The following HAUS4 variants were observed in gnomAD, a reference collection of about 807,000 sequenced individuals.
HAUS4 encodes HAUS augmin like complex subunit 4, also known as HAUS augmin-like complex subunit 4.
Under a neutral mutation model 50.6 loss-of-function variants are expected in HAUS4, and 34 were observed. The observed-to-expected ratio is 0.67, with a 90% CI of 0.51 to 0.90. The LOEUF is 0.90. Among genes scored for constraint, HAUS4 ranks in the 40% least tolerant of loss-of-function variants. The pLI is 0.00. For synonymous variants in HAUS4, 149 were observed against 161.4 expected, an observed-to-expected ratio of 0.92 and a Z score of 0.58; for missense variants, 370 against 428.7, an observed-to-expected ratio of 0.86 and a Z score of 1.21.
chr14:22,950,184 A>G (rs1425180426), intron 6 of HAUS4, 130 bp downstream of exon 6: 1 of 464,508 alleles, frequency 2.2e-6, no homozygotes, highest in African/African-American at 2.0e-5. Flanking sequence ...TACCAGCAAC[A>G]AAACAAATAA....
intron 6 of HAUS4, among the ~76,000 whole-genome samples, chr14:22,948,557 A>G (rs1010667422): frequency 6.6e-6 from 1 of 150,898 alleles, no homozygotes; most frequent in East Asian, 2.0e-4. Flanking sequence ...TTTTTTTGAG[A>G]CGGAGTCTCT....
intron 8 of HAUS4, 54 bp downstream of exon 8, chr14:22,947,547 A>C: frequency 6.3e-7 from 1 of 1,594,764 alleles, no homozygotes; most frequent in East Asian, 2.2e-5. Context: ...TAAGGGATAG[A>C]GGGCTGATAA....
At chr14:22,947,479 G>T in intron 8 of HAUS4, 122 bp downstream of exon 8, 1 of 1,073,808 alleles carries the variant, frequency 9.3e-7, no homozygotes, top group Non-Finnish European at 1.4e-6. Context: ...ATACTGCTAT[G>T]TGACATTTAC....
chr14:22,949,548 AAAG>A (rs1464687761), intron 6 of HAUS4, among the ~76,000 whole-genome samples: 2 of 150,876 alleles, frequency 1.3e-5, no homozygotes, highest in African/African-American at 2.4e-5. Flanking sequence ...AAAAAAAAAA[AAAG>A]AGATACACAT....
Position 22,955,132 on chromosome 14 carries a change from G to A in HAUS4, c.23C>T (p.Ser8Leu), listed in dbSNP as rs749425907. 20 of 1,612,050 alleles carry A rather than the reference G, an allele frequency of 1.2e-5. No individual in the cohort carries two copies. In the African/African-American group the frequency reaches 1.6e-4, roughly 13 times the overall value. ...AAGTATTTCCATCCCTTCTCCAGGT[G>A]AGCAGAAATCCCCGGATGCCATTTG... MASGDFC[S>L]PGEGMEILQQ... is the part of the protein sequence containing the mutation. Residue 8 changes from serine to leucine, a missense_variant, in exon 2 of 10, where the codon TCA becomes TTA. Physicochemically the swap from Ser to Leu is moderately radical, Grantham distance 145 (BLOSUM62 -2). Transcript: ENST00000541587.
chr14:22,947,850 TCCCA>T lies in HAUS4; in HGVS notation c.708+14_708+17del. 6.2e-7 allele frequency: 1 copy of T among 1,611,610 alleles called. No individual in the cohort carries two copies. Among genetic ancestry groups the T allele is most frequent in the Non-Finnish European group, 8.5e-7 (1 of 1,178,748 alleles). On this transcript the variant is annotated intron_variant, in intron 7 of 9. Transcript: ENST00000541587. The stretch of plus-strand genomic sequence containing the variant: ...GGGTCAGGATAAAGGAAAGGGGCTG[TCCCA>T]TGCCCTGATAAACCTGGGAGTAAGC...
chr14:22,952,655 G>A lies in HAUS4; in HGVS notation c.84C>T (p.Asn28=). 3 of 1,605,264 alleles carry A rather than the reference G, an allele frequency of 1.9e-6. No homozygotes were observed. The highest frequency in any genetic ancestry group is 2.5e-6 in the Non-Finnish European group (3 of 1,177,590). ...QVCSKQLPPC[N]LSKEDLLQNP... is the part of the protein sequence containing the mutation. Reference sequence around the variant, plus strand: ...TCTGTAACAGGTCCTCTTTACTCAGGTTACAAGGAGGAAGTTGTTTGCTGC... The same window carrying A: ...TCTGTAACAGGTCCTCTTTACTCAGATTACAAGGAGGAAGTTGTTTGCTGC... The change falls in exon 3 of 10, where the codon AAC becomes AAT. Residue 28 remains asparagine, a synonymous_variant. Coordinates refer to ENST00000541587, the MANE Select transcript of HAUS4 (RefSeq NM_001166269.2).
Position 22,950,645 on chromosome 14 carries a change from G to C in HAUS4, c.466-235C>G, listed in dbSNP as rs2044736506. ...CCTGAAAATACCTTTCTGGATAGCAGTTTGGCATTAGGTACCAATATTCTG... is the reference window on the plus strand; with the variant it reads ...CCTGAAAATACCTTTCTGGATAGCACTTTGGCATTAGGTACCAATATTCTG... On this transcript the variant is annotated intron_variant, in intron 5 of 9. Transcript: ENST00000541587. Among the ~76,000 whole-genome samples, 5 of 152,322 alleles carry C rather than the reference G, an allele frequency of 3.3e-5. No homozygotes were observed. The South Asian group carries it at 1.0e-3, about 32-fold the overall frequency.
intron 6 of HAUS4, among the ~76,000 whole-genome samples, chr14:22,949,302 G>T (rs886720464): frequency 6.6e-6 from 1 of 151,922 alleles, no homozygotes; most frequent in African/African-American, 2.4e-5. Context: ...GGCCAAGGTG[G>T]GTAGATCATG....
At chr14:22,949,305 A>G (rs1313067658) in intron 6 of HAUS4, among the ~76,000 whole-genome samples, 3 of 151,784 alleles carry the variant, frequency 2.0e-5, no homozygotes, top group Non-Finnish European at 4.4e-5. Flanking sequence ...CAAGGTGGGT[A>G]GATCATGAGG....
Position 22,952,399 on chromosome 14 carries a change from C to G in HAUS4, c.259G>C (p.Val87Leu). The G allele has an allele frequency of 1.2e-6, 2 of 1,614,008 alleles. No individual in the cohort carries two copies. The highest frequency in any genetic ancestry group is 1.7e-6 in the Non-Finnish European group (2 of 1,179,870). The stretch of plus-strand genomic sequence containing the variant: ...TAGTCCACAAGCAACTCTTGAATGA[C>G]TCTGTGTAAAATCTCAGACCTCAAC... ...TWLRSEILHRVIQELLVDYYV... is the reference protein window; with the variant it reads ...TWLRSEILHRLIQELLVDYYV... The change falls in exon 4 of 10, where the codon GTC becomes CTC. Residue 87 changes from valine to leucine, a missense_variant. By Grantham distance (32) the Val-to-Leu change is conservative. Coordinates refer to ENST00000541587, the MANE Select transcript of HAUS4 (RefSeq NM_001166269.2).
chr14:22,952,143 G>A (rs567123785), intron 4 of HAUS4, among the ~76,000 whole-genome samples, 185 bp downstream of exon 4: 44 of 152,230 alleles, frequency 2.9e-4, no homozygotes, highest in African/African-American at 1.0e-3. Context: ...TCAGCCTCCC[G>A]AGTAGCTGGG....
At chr14:22,953,635 T>G (rs1044950722) in intron 2 of HAUS4, among the ~76,000 whole-genome samples, 1 of 151,350 alleles carries the variant, frequency 6.6e-6, no homozygotes, top group Admixed American at 6.6e-5. Context: ...TTTGTTTTTT[T>G]TTTGAGACGG....
At position 22,946,737 on chromosome 14, in the gene HAUS4, A is replaced by G. The variant is rs868639057; in HGVS notation, c.909-29T>C. 2.0e-6 allele frequency: 3 copies of G among 1,521,958 alleles called. No homozygotes were observed. In the South Asian group the frequency reaches 3.7e-5, roughly 19 times the overall value. The allele number at this position is 1,521,958 out of a possible 1,614,324, so 94.3% of individuals were successfully genotyped here. ...AGAGCCCGGGCAGAGAAGGCACAAT[A>G]TAAGGGTGCTGCTCCTCAGAAAGTA... On this transcript the variant is annotated intron_variant, in intron 9 of 9. Transcript: ENST00000541587.
chr14:22,955,366 T>G (rs1456656217), intron 1 of HAUS4, 190 bp from the exon 2 acceptor site: 1 of 589,864 alleles, frequency 1.7e-6, no homozygotes, highest in African/African-American at 1.9e-5. Context: ...ACAAACAGAT[T>G]TACAAGTGCC....
intron 2 of HAUS4, among the ~76,000 whole-genome samples, chr14:22,954,136 A>C (rs1288575651): frequency 2.0e-5 from 3 of 152,218 alleles, no homozygotes; most frequent in African/African-American, 7.2e-5. Flanking sequence ...CAGCACAGGC[A>C]TGAGAAAAAA....
At position 22,946,413 on chromosome 14, in the gene HAUS4, A is replaced by G; in HGVS notation, c.*112T>C. Reference sequence around the variant, plus strand: ...TGACTGCAGTGTTTCAAGCGTAAGCATTTCCACACTCCCTTGTACTGAAGG... The same window carrying G: ...TGACTGCAGTGTTTCAAGCGTAAGCGTTTCCACACTCCCTTGTACTGAAGG... On this transcript the variant is annotated 3_prime_UTR_variant, in exon 10 of 10. Transcript: ENST00000541587. 5.6e-6 allele frequency: 4 copies of G among 719,882 alleles called. No individual in the cohort carries two copies. The South Asian group carries it at 1.0e-4, about 19-fold the overall frequency. The allele number at this position is 719,882 out of a possible 1,614,324, so 44.6% of individuals were successfully genotyped here.
intron 8 of HAUS4, 39 bp downstream of exon 8, chr14:22,947,562 A>T: frequency 6.2e-7 from 1 of 1,609,054 alleles, no homozygotes; most frequent in Non-Finnish European, 8.5e-7. Flanking sequence ...TGATAACGTG[A>T]GACAGAATCC....
Position 22,952,312 on chromosome 14 carries a change from C to T in HAUS4, c.330+16G>A. 1 of 1,611,496 alleles carries T rather than the reference C, an allele frequency of 6.2e-7. No individual in the cohort carries two copies. The highest frequency in any genetic ancestry group is 8.5e-7 in the Non-Finnish European group (1 of 1,178,282). ...GGATTACAGGTGTTAGCCACCACGC[C>T]CAGCCTTTGCCTCACCTTTTTGTCC... On this transcript the variant is annotated intron_variant, in intron 4 of 9. Coordinates refer to ENST00000541587, the MANE Select transcript of HAUS4 (RefSeq NM_001166269.2).
Sources: allele counts gnomAD v4.1 joint callset (sites outside exome capture counted in the v4.1 genomes callset), GRCh38; gene constraint gnomAD v4.1.1; transcripts MANE v1.5; gene names NCBI Gene and HGNC (gene_info 2026-07-23, HGNC 2026-07-21).